The following ZFAND3 variants were observed in gnomAD, a reference collection of about 807,000 sequenced individuals.
ZFAND3 encodes AN1-type zinc finger protein 3.
In ZFAND3, 10 loss-of-function variants were observed where a neutral mutation model predicts 29.6. That is an observed-to-expected ratio of 0.34 (90% CI 0.21 to 0.57). The LOEUF (loss-of-function observed/expected upper bound fraction) is 0.57, where lower values mean the gene tolerates loss of function less well. Ranked by LOEUF, ZFAND3 falls within the 20% of genes least tolerant of loss-of-function variation. The pLI is 0.86. For synonymous variants in ZFAND3, 128 were observed against 112.6 expected, an observed-to-expected ratio of 1.14 and a Z score of -0.87; for missense variants, 230 against 304.5, an observed-to-expected ratio of 0.76 and a Z score of 1.82.
intron 2 of ZFAND3, among the ~76,000 whole-genome samples, chr6:37,942,273 T>A (rs3792706): frequency 0.37 from 50,711 of 136,978 alleles, 8,853 homozygotes; most frequent in East Asian, 0.57. Flanking sequence ...ATATATATAT[T>A]TTTTTTTCTT....
At chr6:38,091,038 C>T (rs915585719) in intron 4 of ZFAND3, among the ~76,000 whole-genome samples, 1 of 152,174 alleles carries the variant, frequency 6.6e-6, no homozygotes, top group Non-Finnish European at 1.5e-5. Context: ...AGCAGGGGCT[C>T]CTCTTCTGAG....
At chr6:37,933,751 A>ATCTC (rs951027564) in intron 2 of ZFAND3, among the ~76,000 whole-genome samples, 4 of 152,060 alleles carry the variant, frequency 2.6e-5, no homozygotes, top group African/African-American at 7.2e-5. Context: ...GAAATGAGAG[A>ATCTC]GGTTTTTTTG....
At chr6:38,117,965 C>T (rs190103298) in intron 5 of ZFAND3, among the ~76,000 whole-genome samples, 1 of 152,286 alleles carries the variant, frequency 6.6e-6, no homozygotes, top group Admixed American at 6.5e-5. Flanking sequence ...CTGGTGTATG[C>T]GGTACTCCAC....
chr6:38,121,876 A>G (rs1345321494), intron 5 of ZFAND3, among the ~76,000 whole-genome samples: 1 of 152,212 alleles, frequency 6.6e-6, no homozygotes, highest in East Asian at 1.9e-4. Flanking sequence ...AAACACTTTA[A>G]GACCAAGTAA....
intron 1 of ZFAND3, among the ~76,000 whole-genome samples, chr6:37,823,234 A>G (rs1214167070): frequency 6.6e-6 from 1 of 152,188 alleles, no homozygotes; most frequent in Non-Finnish European, 1.5e-5. Flanking sequence ...CGAAGTACAT[A>G]GAAGTGAAAG....
At chr6:37,994,118 C>G (rs928641255) in intron 2 of ZFAND3, among the ~76,000 whole-genome samples, 4 of 150,578 alleles carry the variant, frequency 2.7e-5, no homozygotes, top group African/African-American at 2.4e-5. Context: ...GAGTGTGTGT[C>G]TGTGTGTGTG....
chr6:37,891,593 T>TAAATAAATA (rs142117638), intron 1 of ZFAND3, among the ~76,000 whole-genome samples: 5 of 131,020 alleles, frequency 3.8e-5, no homozygotes, highest in African/African-American at 1.4e-4. Flanking sequence ...AATAAATAAA[T>TAAATAAATA]AATAAATAAA....
chr6:37,902,576 G>A (rs1346065467), intron 1 of ZFAND3, among the ~76,000 whole-genome samples: 1 of 152,132 alleles, frequency 6.6e-6, no homozygotes, highest in East Asian at 1.9e-4. Flanking sequence ...ATCTTTTCAG[G>A]TGTGTTAGAC....
At chr6:37,864,675 G>A (rs1355447659) in intron 1 of ZFAND3, among the ~76,000 whole-genome samples, 5 of 151,682 alleles carry the variant, frequency 3.3e-5, no homozygotes, top group Non-Finnish European at 7.4e-5. Flanking sequence ...GGGTGTATAT[G>A]TGTGTATATA....
At chr6:38,044,792 C>T (rs1012228340) in intron 2 of ZFAND3, among the ~76,000 whole-genome samples, 3 of 152,008 alleles carry the variant, frequency 2.0e-5, no homozygotes, top group East Asian at 1.9e-4. Flanking sequence ...GATATTTTTG[C>T]GAAGATGCAA....
chr6:38,067,464 C>T (rs1310878304), intron 3 of ZFAND3, among the ~76,000 whole-genome samples: 3 of 152,338 alleles, frequency 2.0e-5, no homozygotes, highest in South Asian at 4.1e-4. Context: ...GCCACCACAC[C>T]ATAGCTGCCA....
chr6:37,963,127 T>C lies in ZFAND3; in HGVS notation c.112+33128T>C, dbSNP rs75571965. On this transcript the variant is annotated intron_variant, in intron 2 of 5. Coordinates refer to ENST00000287218, the MANE Select transcript of ZFAND3 (RefSeq NM_021943.3). Reference sequence around the variant, plus strand: ...TGAACTGTAACACTCGCTGCGAGGGTCCGCAGCTTCATTCTTTAAGTCAGC... The same window carrying C: ...TGAACTGTAACACTCGCTGCGAGGGCCCGCAGCTTCATTCTTTAAGTCAGC... 0.017 allele frequency among the ~76,000 whole-genome samples: 2,594 copies of C among 152,152 alleles called. 255 individuals are homozygous for C. The East Asian group carries it at 0.28, about 16-fold the overall frequency.
intron 2 of ZFAND3, among the ~76,000 whole-genome samples, chr6:38,013,744 A>T (rs1027107339): frequency 6.6e-6 from 1 of 152,146 alleles, no homozygotes; most frequent in Non-Finnish European, 1.5e-5. Context: ...AAAACAAAAA[A>T]AACCTCCAAT....
At chr6:38,005,486 T>C (rs988974098) in intron 2 of ZFAND3, among the ~76,000 whole-genome samples, 2 of 152,224 alleles carry the variant, frequency 1.3e-5, no homozygotes, top group Non-Finnish European at 2.9e-5. Context: ...CATCTGACTT[T>C]TCTAGATCAG....
chr6:37,915,909 T>A (rs1309259382), intron 1 of ZFAND3, among the ~76,000 whole-genome samples: 4 of 152,036 alleles, frequency 2.6e-5, no homozygotes, highest in Non-Finnish European at 5.9e-5. Flanking sequence ...AGCTGGGATT[T>A]CAGGCATGTG....
At position 38,151,406 on chromosome 6, in the gene ZFAND3, A is replaced by G. The variant is rs976308935; in HGVS notation, c.530-829A>G. Among the ~76,000 whole-genome samples the G allele has an allele frequency of 2.0e-5, 3 of 151,060 alleles. No homozygotes were observed. In the East Asian group the frequency reaches 5.9e-4, roughly 30 times the overall value. On this transcript the variant is annotated intron_variant, in intron 5 of 5. Transcript: ENST00000287218. Reference sequence around the variant, plus strand: ...TGGAGGCCTGAGTGTGGGCATCTCAACCTCTCTCACCTACCCAGTGGAGTG... The same window carrying G: ...TGGAGGCCTGAGTGTGGGCATCTCAGCCTCTCTCACCTACCCAGTGGAGTG...
intron 1 of ZFAND3, among the ~76,000 whole-genome samples, chr6:37,869,828 TAA>T (rs1234676333): frequency 6.9e-6 from 1 of 144,378 alleles, no homozygotes; most frequent in African/African-American, 2.5e-5. Flanking sequence ...TTGTTAATCT[TAA>T]AAAAAAAAAA....
intron 1 of ZFAND3, among the ~76,000 whole-genome samples, chr6:37,846,513 C>T (rs1404953083): frequency 2.0e-5 from 3 of 152,156 alleles, no homozygotes; most frequent in Non-Finnish European, 4.4e-5. Context: ...TTCTGTAGCA[C>T]TATGTAGTAT....
At chr6:37,869,663 T>C (rs1561916903) in intron 1 of ZFAND3, among the ~76,000 whole-genome samples, 1 of 151,324 alleles carries the variant, frequency 6.6e-6, no homozygotes, top group Non-Finnish European at 1.5e-5. Flanking sequence ...CGCACACCAT[T>C]GTGCCTGGCT....
Sources: gnomAD v4.1 joint callset for allele counts (sites outside exome capture counted in the v4.1 genomes callset) on GRCh38, gnomAD v4.1.1 for gene constraint, MANE v1.5 for transcripts, NCBI Gene and HGNC (gene_info 2026-07-23, HGNC 2026-07-21) for gene names.